The following PM20D2 variants were observed in gnomAD, a reference collection of about 807,000 sequenced individuals.
The protein encoded by PM20D2 is peptidase M20 domain containing 2, also known as xaa-Arg dipeptidase.
PM20D2 carries 33 observed loss-of-function variants against 42.9 expected under a neutral mutation model. That is an observed-to-expected ratio of 0.77 (90% CI 0.58 to 1.03). PM20D2 has a LOEUF of 1.03. Ranked by LOEUF, PM20D2 falls within the 50% of genes least tolerant of loss-of-function variation. PM20D2 has a pLI of 0.00. For synonymous variants in PM20D2, 250 were observed against 228.2 expected (o/e 1.10, Z -0.86); for missense variants, 548 against 557.0 (o/e 0.98, Z 0.16).
chr6:89,145,096 G>A (rs1252822836), upstream of PM20D2, among the ~76,000 whole-genome samples: 1 of 152,174 alleles, frequency 6.6e-6, no homozygotes, highest in African/African-American at 2.4e-5. Context: ...AGATGATAGG[G>A]TATGAAGAGC....
upstream of PM20D2, among the ~76,000 whole-genome samples, chr6:89,141,514 C>G (rs1217972495): frequency 6.6e-6 from 1 of 151,952 alleles, no homozygotes; most frequent in Non-Finnish European, 1.5e-5. Flanking sequence ...TACAGGCGCC[C>G]GCCCCAACAC....
the PM20D2 span, among the ~76,000 whole-genome samples, chr6:89,104,132 G>A: frequency 7.3e-6 from 1 of 136,978 alleles, no homozygotes; most frequent in Non-Finnish European, 1.5e-5. Context: ...ACATTTTATT[G>A]TATTTCTTAC....
the PM20D2 span, chr6:89,096,289 A>G: frequency 5.3e-5 from 8 of 152,212 alleles, no homozygotes; most frequent in African/African-American, 1.9e-4. Context: ...TCCAAAGTTT[A>G]TGGCTGTGTG....
At chr6:89,145,993 G>A (rs929889370), upstream of PM20D2, 9 of 587,256 alleles carry the variant, frequency 1.5e-5, no homozygotes, top group East Asian at 3.6e-5. Flanking sequence ...GCCGGGGGCG[G>A]CCCCGGGACT....
intron 3 of PM20D2, 130 bp downstream of exon 3, chr6:89,153,315 G>T: frequency 1.4e-6 from 1 of 718,932 alleles, no homozygotes; most frequent in Non-Finnish European, 1.9e-6. Context: ...TGATTTTTAA[G>T]CATATTTTCA....
At position 89,162,746 on chromosome 6, in the gene PM20D2, T is replaced by C. The variant is rs1178823311; in HGVS notation, c.*483T>C. The C allele has an allele frequency of 2.0e-5, 3 of 152,454 alleles. No homozygotes were observed. Among genetic ancestry groups the C allele is most frequent in the Admixed American group, 6.5e-5 (1 of 15,290 alleles). The allele number at this position is 152,454 out of a possible 1,614,324, so 9.4% of individuals were successfully genotyped here. A position where few individuals can be genotyped will look rare whatever the true frequency, so the allele number is the denominator to read the frequency against. On this transcript the variant is annotated 3_prime_UTR_variant, in exon 7 of 7. Coordinates refer to ENST00000275072, the MANE Select transcript of PM20D2 (RefSeq NM_001010853.3). ...ATCGTATATTAATTCCTCTACCAGA[T>C]TGTATATTTGAAGCCAGTGTCTTTC...
At chr6:89,104,524 C>T in the PM20D2 span, among the ~76,000 whole-genome samples, 1 of 152,238 alleles carries the variant, frequency 6.6e-6, no homozygotes, top group East Asian at 1.9e-4. Context: ...GTGTGAGCCA[C>T]TGCACGCGGC....
At chr6:89,135,772 T>C in the PM20D2 span, among the ~76,000 whole-genome samples, 1 of 151,206 alleles carries the variant, frequency 6.6e-6, no homozygotes, top group Non-Finnish European at 1.5e-5. Context: ...GAGTATATTC[T>C]TCACAAGCAG....
the PM20D2 span, chr6:89,107,094 ATATATG>A: frequency 1.5e-6 from 2 of 1,359,524 alleles, no homozygotes; most frequent in Non-Finnish European, 1.1e-6. Context: ...TACTGAATAC[ATATATG>A]TATAAGCACG....
chr6:89,155,623 A>G (rs1771019481), intron 4 of PM20D2, among the ~76,000 whole-genome samples: 1 of 152,178 alleles, frequency 6.6e-6, no homozygotes, highest in African/African-American at 2.4e-5. Flanking sequence ...GGGTGTGTAT[A>G]GTAGTGATAT....
intron 4 of PM20D2, among the ~76,000 whole-genome samples, chr6:89,158,122 A>G (rs535579809): frequency 1.7e-4 from 26 of 152,314 alleles, no homozygotes; most frequent in Non-Finnish European, 2.8e-4. Flanking sequence ...TATATATAGC[A>G]TAAAAGAGAG....
upstream of PM20D2, chr6:89,146,025 G>C: frequency 2.2e-6 from 2 of 890,348 alleles, no homozygotes; most frequent in Non-Finnish European, 3.1e-6. Flanking sequence ...CCTGGGAGCT[G>C]TGTGGCCGCG....
the PM20D2 span, among the ~76,000 whole-genome samples, chr6:89,128,850 A>G: frequency 3.3e-4 from 51 of 152,288 alleles, 1 homozygote; most frequent in African/African-American, 1.2e-3. Context: ...AGTTCCTCCA[A>G]TAAGTCCCAT....
chr6:89,157,740 C>T (rs1771098756), intron 4 of PM20D2, among the ~76,000 whole-genome samples: 1 of 152,218 alleles, frequency 6.6e-6, no homozygotes, highest in South Asian at 2.1e-4. Flanking sequence ...TGCAGTGGCT[C>T]ATGCCTGTAA....
the PM20D2 span, among the ~76,000 whole-genome samples, chr6:89,099,456 G>GTATATATGTGTGTGTATA: frequency 1.4e-5 from 2 of 141,316 alleles, no homozygotes; most frequent in Non-Finnish European, 1.5e-5. Flanking sequence ...ATATATGTGT[G>GTATATATGTGTGTGTATA]TATATATGTG....
rs1415431306 is a variant in PM20D2, at chr6:89,165,143, T to G, written c.*2880T>G. On this transcript the variant is annotated 3_prime_UTR_variant, in exon 7 of 7. Coordinates refer to ENST00000275072, the MANE Select transcript of PM20D2 (RefSeq NM_001010853.3). ...AACAAAAGAAATTGATACAATAAGT[T>G]TTTTTTTTTAAGGATGATTGTCTAA... 6.6e-6 allele frequency: 1 copy of G among 150,436 alleles called. No homozygotes were observed. The highest frequency in any genetic ancestry group is 6.7e-5 in the Admixed American group (1 of 15,014). The allele number at this position is 150,436 out of a possible 1,614,324, so 9.3% of individuals were successfully genotyped here.
chr6:89,097,323 C>G, the PM20D2 span: 1 of 152,120 alleles, frequency 6.6e-6, no homozygotes, highest in Non-Finnish European at 1.5e-5. Context: ...CAAAACCATT[C>G]TATCACAAAC....
chr6:89,117,773 G>A, the PM20D2 span: 1 of 1,507,708 alleles, frequency 6.6e-7, no homozygotes, highest in Non-Finnish European at 8.9e-7. Flanking sequence ...CGGCGCGGCT[G>A]TTACCCCGCC....
In PM20D2 at chr6:89,146,443, G is replaced by C. The variant is rs1205568240; in HGVS notation, c.299G>C (p.Ser100Thr). ...GAGCCGCCGGAGGCCCGGGCACCGA[G>C]CGCCACGCCACGCCCGCTGCACCTG... Reference protein sequence around the residue: ...EWEPPEARAPSATPRPLHLGF... With the variant: ...EWEPPEARAPTATPRPLHLGF... The change falls in exon 1 of 7, where the codon AGC becomes ACC. Residue 100 changes from serine (S) to threonine (T), a missense_variant. Ser to Thr is a moderately conservative substitution (Grantham distance 58, BLOSUM62 1). Transcript: ENST00000275072. The C allele has an allele frequency of 6.6e-7, 1 of 1,523,234 alleles. No individual in the cohort carries two copies. The highest frequency in any genetic ancestry group is 8.8e-7 in the Non-Finnish European group (1 of 1,142,628). 94.4% of individuals were successfully genotyped at this position (1,523,234 alleles called of 1,614,324 possible).
Sources: allele counts gnomAD v4.1 joint callset (sites outside exome capture counted in the v4.1 genomes callset), GRCh38; gene constraint gnomAD v4.1.1; transcripts MANE v1.5; gene names NCBI Gene and HGNC (gene_info 2026-07-23, HGNC 2026-07-21).